Variants in MADD observed in about 807,000 individuals in gnomAD.
MADD encodes MAP kinase-activating death domain protein.
In MADD, 109 loss-of-function variants were observed where a neutral mutation model predicts 176.7. The observed-to-expected ratio is 0.62, with a 90% CI of 0.53 to 0.72. The LOEUF (loss-of-function observed/expected upper bound fraction) is 0.72. Ranked by LOEUF, MADD falls within the 30% of genes least tolerant of loss-of-function variation. The pLI, the probability that MADD is intolerant of heterozygous loss-of-function variation, is 0.00. For synonymous variants in MADD, 771 were observed against 771.3 expected, an observed-to-expected ratio of 1.00 and a Z score of 0.01; for missense variants, 1,914 against 2,045.5, an observed-to-expected ratio of 0.94 and a Z score of 1.24.
exon 26 of MADD, chr11:47,311,737 T>C (rs933644090): frequency 6.8e-6 from 11 of 1,607,398 alleles, no homozygotes; most frequent in Middle Eastern, 3.3e-4. Flanking sequence ...TTCAGGTAAA[T>C]AAGAATGACA....
chr11:47,316,843 A>C (rs2093210536), intron 27 of MADD, among the ~76,000 whole-genome samples: 1 of 151,952 alleles, frequency 6.6e-6, no homozygotes, highest in Non-Finnish European at 1.5e-5. Flanking sequence ...CCTTGGGTTC[A>C]AGTGATTCTC....
At chr11:47,299,661 C>G (rs1334914316) in intron 22 of MADD, among the ~76,000 whole-genome samples, 2 of 140,920 alleles carry the variant, frequency 1.4e-5, no homozygotes, top group Non-Finnish European at 3.0e-5. Context: ...TCCCGAGTAG[C>G]TGGGACTGTA....
exon 5 of MADD, chr11:47,276,792 A>G (rs1484839076): frequency 3.7e-6 from 6 of 1,614,042 alleles, no homozygotes; most frequent in Admixed American, 3.3e-5. Context: ...ATTCGTGGCA[A>G]TGATCTACCC....
chr11:47,285,419 C>T, intron 13 of MADD, 32 bp from the exon 14 acceptor site: 1 of 1,613,552 alleles, frequency 6.2e-7, no homozygotes. Context: ...GTACCCCTGC[C>T]TGGGGATCAT....
chr11:47,327,568 C>G (rs1187988171), intron 31 of MADD: 4 of 985,264 alleles, frequency 4.1e-6, no homozygotes, highest in African/African-American at 1.7e-5. Flanking sequence ...TCTCCCCTAC[C>G]CTCTTTCTTC....
intron 26 of MADD, 118 bp downstream of exon 29, chr11:47,311,960 G>A: frequency 1.6e-6 from 1 of 632,480 alleles, no homozygotes. Context: ...CTGTAAATGA[G>A]GCATTAGTCC....
chr11:47,307,024 C>G (rs1002695835), intron 22 of MADD, among the ~76,000 whole-genome samples: 1 of 152,082 alleles, frequency 6.6e-6, no homozygotes, highest in African/African-American at 2.4e-5. Flanking sequence ...ACCTCAGCCT[C>G]CCAAGTAGCT....
chr11:47,282,742 C>T (rs1733793586), intron 9 of MADD, 71 bp from the exon 10 acceptor site: 1 of 1,595,666 alleles, frequency 6.3e-7, no homozygotes, highest in Admixed American at 1.7e-5. Flanking sequence ...CTTTTTCCTG[C>T]CTTTCTTTCA....
rs1959025410 is a variant in MADD, at chr11:47,270,251, G to A, written c.-89+5G>A. The A allele has an allele frequency of 7.5e-6, 1 of 133,770 alleles. No homozygotes were observed. Among genetic ancestry groups the A allele is most frequent in the African/African-American group, 3.0e-5 (1 of 33,626 alleles). The allele number at this position is 133,770 out of a possible 1,614,324, so 8.3% of individuals were successfully genotyped here. ...CAGTCCCCCAGAGCTTGGGAGGTAG[G>A]AGAGTCTGGGCCGGTGGGGTCCTGG... is the stretch of plus-strand genomic sequence containing the variant. On this transcript the variant is annotated splice_donor_5th_base_variant and intron_variant, in intron 1 of 32. Transcript: ENST00000402192.
At chr11:47,318,067 G>C (rs879483100) in intron 27 of MADD, among the ~76,000 whole-genome samples, 1 of 152,096 alleles carries the variant, frequency 6.6e-6, no homozygotes, top group Non-Finnish European at 1.5e-5. Context: ...ATCACGCCTG[G>C]CTACTTTTAT....
intron 22 of MADD, among the ~76,000 whole-genome samples, chr11:47,297,989 C>T (rs905963349): frequency 3.3e-5 from 5 of 151,694 alleles, no homozygotes; most frequent in East Asian, 3.9e-4. Flanking sequence ...GGGGTTTCAC[C>T]GTGTTAGCCA....
Position 47,325,733 on chromosome 11 carries a change from A to AT in MADD, c.4543-1001dup, listed in dbSNP as rs2095379039. ...TCTTGGGGAGCAGACTTCTGACCAC[A>AT]TTTTAGCGCCGTGGCCTCTGAAGAT... On this transcript the variant is annotated intron_variant, in intron 30 of 32. Transcript: ENST00000402192. The surrounding 1 kb of genome is among the most constrained non-coding windows in gnomAD (Gnocchi z 4.5). 6.6e-6 allele frequency among the ~76,000 whole-genome samples: 1 copy of AT among 152,208 alleles called. No homozygotes were observed. Among genetic ancestry groups the AT allele is most frequent in the African/African-American group, 2.4e-5 (1 of 41,448 alleles).
At chr11:47,323,187 G>A (rs962562849) in intron 27 of MADD, among the ~76,000 whole-genome samples, 7 of 150,492 alleles carry the variant, frequency 4.7e-5, no homozygotes, top group Non-Finnish European at 8.9e-5. Flanking sequence ...GCAGTGAGTC[G>A]AGATTGCACC....
At chr11:47,303,882 A>G (rs1176255918) in intron 22 of MADD, among the ~76,000 whole-genome samples, 1 of 152,192 alleles carries the variant, frequency 6.6e-6, no homozygotes, top group East Asian at 1.9e-4. Context: ...TGCTGGGATT[A>G]CAGGCGTGAG....
intron 22 of MADD, among the ~76,000 whole-genome samples, chr11:47,302,719 C>A (rs1276637181): frequency 6.6e-6 from 1 of 151,828 alleles, no homozygotes; most frequent in Non-Finnish European, 1.5e-5. Context: ...CCAGTCTACC[C>A]CTTTTAAGTG....
intron 13 of MADD, 39 bp from the exon 14 acceptor site, chr11:47,285,412 C>T (rs1182292710): frequency 1.2e-6 from 2 of 1,612,768 alleles, no homozygotes; most frequent in Admixed American, 1.7e-5. Flanking sequence ...AGATCAGGTA[C>T]CCCTGCCTGG....
intron 5 of MADD, among the ~76,000 whole-genome samples, chr11:47,277,239 C>T (rs535175263): frequency 9.3e-5 from 14 of 150,960 alleles, no homozygotes; most frequent in South Asian, 2.1e-4. Context: ...CCGGTGATAC[C>T]GTTTAATTTA....
rs190082958 is a variant in MADD, at chr11:47,282,640, C to T, written c.1705+24C>T. ...CAGTGAGTCTACCTGCCCTCTGCTC[C>T]GCTCTGCCTTGTGCCTCTGTCCTCC... On this transcript the variant is annotated intron_variant, in intron 9 of 32. Transcript: ENST00000402192. 8.6e-4 allele frequency: 1,385 copies of T among 1,610,130 alleles called. 6 individuals carry two copies. Among genetic ancestry groups the T allele is most frequent in the Non-Finnish European group, 1.1e-3 (1,251 of 1,176,626 alleles).
intron 23 of MADD, 84 bp from the exon 26 acceptor site, chr11:47,308,896 G>A (rs1169577043): frequency 7.5e-7 from 1 of 1,332,938 alleles, no homozygotes; most frequent in African/African-American, 1.4e-5. Context: ...ATTGGGTTTT[G>A]GTGTTAATCA....
Sources: allele counts gnomAD v4.1 joint callset (sites outside exome capture counted in the v4.1 genomes callset), GRCh38; gene constraint gnomAD v4.1.1; non-coding constraint Gnocchi (gnomAD v3.1); transcripts MANE v1.5; gene names NCBI Gene and HGNC (gene_info 2026-07-23, HGNC 2026-07-21).